Variants in CCSER1 observed in about 807,000 individuals in gnomAD.
CCSER1 encodes the protein coiled-coil serine rich protein 1.
A neutral mutation model predicts 82.0 loss-of-function variants in CCSER1; 41 were observed. That is an observed-to-expected ratio of 0.50 (90% CI 0.39 to 0.65). CCSER1 has a LOEUF of 0.65. Among genes scored for constraint, CCSER1 ranks in the 30% least tolerant of loss-of-function variants. The pLI, the probability that CCSER1 is intolerant of heterozygous loss-of-function variation, is 0.00. For synonymous variants in CCSER1, 414 were observed against 383.9 expected (o/e 1.08, Z -0.92); for missense variants, 1,119 against 1,064.2 (o/e 1.05, Z -0.72).
intron 10 of CCSER1, among the ~76,000 whole-genome samples, chr4:91,219,730 T>G (rs549382265): frequency 6.6e-6 from 1 of 152,332 alleles, no homozygotes. Context: ...GGTAACATGA[T>G]ATTTTTATCA....
At chr4:90,428,691 A>T (rs1233190109) in intron 4 of CCSER1, among the ~76,000 whole-genome samples, 1 of 151,890 alleles carries the variant, frequency 6.6e-6, no homozygotes, top group Non-Finnish European at 1.5e-5. Flanking sequence ...TTGCTGTCTT[A>T]TTGGGTGCAA....
intron 3 of CCSER1, among the ~76,000 whole-genome samples, chr4:90,345,778 A>C (rs965277867): frequency 2.0e-5 from 3 of 152,084 alleles, no homozygotes; most frequent in Non-Finnish European, 4.4e-5. Flanking sequence ...TAAGATCTCC[A>C]CATCTCTCTA....
At chr4:91,464,825 C>A (rs942535177) in intron 10 of CCSER1, among the ~76,000 whole-genome samples, 3 of 152,164 alleles carry the variant, frequency 2.0e-5, no homozygotes, top group African/African-American at 7.2e-5. Context: ...TATATATGCA[C>A]CCAATACAGG....
intron 1 of CCSER1, among the ~76,000 whole-genome samples, chr4:90,208,999 G>C (rs569809823): frequency 6.6e-6 from 1 of 152,154 alleles, no homozygotes; most frequent in South Asian, 2.1e-4. Flanking sequence ...TTTTTCTTAT[G>C]TATTGTTTTT....
chr4:90,544,771 A>G (rs1272000690), intron 5 of CCSER1, among the ~76,000 whole-genome samples: 3 of 152,058 alleles, frequency 2.0e-5, no homozygotes, highest in Non-Finnish European at 4.4e-5. Flanking sequence ...GCACTCCCAT[A>G]AGTGCCTTTT....
chr4:91,036,268 A>C (rs1336337886), intron 9 of CCSER1, among the ~76,000 whole-genome samples: 1 of 152,218 alleles, frequency 6.6e-6, no homozygotes, highest in Non-Finnish European at 1.5e-5. Flanking sequence ...ATTTTGTAAC[A>C]TTCTTATTTA....
intron 3 of CCSER1, among the ~76,000 whole-genome samples, chr4:90,349,805 A>G (rs1236374798): frequency 6.6e-6 from 1 of 152,106 alleles, no homozygotes; most frequent in African/African-American, 2.4e-5. Context: ...GTCACGTATA[A>G]CCACAGGAAA....
intron 10 of CCSER1, among the ~76,000 whole-genome samples, chr4:91,100,097 C>T (rs1395706068): frequency 6.6e-6 from 1 of 151,810 alleles, no homozygotes; most frequent in South Asian, 2.1e-4. Context: ...AAGTAAGTCA[C>T]AATATATAGA....
chr4:91,138,983 G>A (rs530137070), intron 10 of CCSER1, among the ~76,000 whole-genome samples: 2 of 152,276 alleles, frequency 1.3e-5, no homozygotes, highest in Non-Finnish European at 2.9e-5. Flanking sequence ...TGTCACCCAG[G>A]TGGTGAGCAT....
chr4:90,586,917 T>C (rs1049826667), intron 5 of CCSER1, among the ~76,000 whole-genome samples: 1 of 152,190 alleles, frequency 6.6e-6, no homozygotes, highest in Non-Finnish European at 1.5e-5. Flanking sequence ...GCAAAAGAGA[T>C]TTTGCAGATG....
At chr4:90,176,633 C>CA (rs1482294250) in intron 1 of CCSER1, among the ~76,000 whole-genome samples, 3 of 151,890 alleles carry the variant, frequency 2.0e-5, no homozygotes, top group African/African-American at 7.3e-5. Flanking sequence ...TACTTTTGGA[C>CA]CACCTGTCGA....
intron 10 of CCSER1, among the ~76,000 whole-genome samples, chr4:91,227,839 GA>G (rs1441447528): frequency 6.6e-6 from 1 of 151,912 alleles, no homozygotes; most frequent in Non-Finnish European, 1.5e-5. Flanking sequence ...TCTTTAAGTT[GA>G]AATTTTGTCA....
rs547233285 is a variant in CCSER1 at position 91,109,543 on chromosome 4, A to G, written c.2217+23549A>G. Among the ~76,000 whole-genome samples, 4 of 152,316 alleles carry G rather than the reference A, an allele frequency of 2.6e-5. No individual in the cohort carries two copies. The South Asian group carries it at 8.3e-4, about 32-fold the overall frequency. The stretch of plus-strand genomic sequence containing the variant: ...AGATCAAAAGCATTAAGTAAAGCAA[A>G]TTATCTTCCAATTTTGCCTTGAAAA... On this transcript the variant is annotated intron_variant, in intron 10 of 10. Coordinates refer to ENST00000509176, the MANE Select transcript of CCSER1 (RefSeq NM_001145065.2).
rs189712261 is a variant in CCSER1 at position 91,157,801 on chromosome 4, C to A, written c.2217+71807C>A. ...TATTAATGTTCTCCTTTACAGGTAG[C>A]ATAATAAATGGCCAAACATCTTTTT... is the stretch of plus-strand genomic sequence containing the variant. On this transcript the variant is annotated intron_variant, in intron 10 of 10. Coordinates refer to ENST00000509176, the MANE Select transcript of CCSER1 (RefSeq NM_001145065.2). Among the ~76,000 whole-genome samples, 115 of 152,072 alleles carry A rather than the reference C, an allele frequency of 7.6e-4. 2 individuals carry two copies. The highest frequency in any genetic ancestry group is 1.3e-3 in the Non-Finnish European group (89 of 67,908).
At position 90,628,139 on chromosome 4, in the gene CCSER1, C is replaced by G; in HGVS notation, c.1839C>G (p.Asn613Lys). 6.2e-7 allele frequency: 1 copy of G among 1,613,654 alleles called. No individual in the cohort carries two copies. The highest frequency in any genetic ancestry group is 8.5e-7 in the Non-Finnish European group (1 of 1,179,676). Residue 613 changes from asparagine (N) to lysine (K), a missense_variant, in exon 6 of 11, where the codon AAC becomes AAG. Asn to Lys is a moderately conservative substitution (Grantham distance 94, BLOSUM62 0). Transcript: ENST00000509176. ...ADWPLQGVEE[N>K]GGIDSLPFRL... Reference sequence around the variant, plus strand: ...GGCCTCTACAAGGTGTGGAAGAAAACGGAGGCATAGATTCTCTGCCATTCA... The same window carrying G: ...GGCCTCTACAAGGTGTGGAAGAAAAGGGAGGCATAGATTCTCTGCCATTCA...
At chr4:90,259,019 A>G (rs113580817) in intron 1 of CCSER1, among the ~76,000 whole-genome samples, 6,500 of 152,154 alleles carry the variant, frequency 0.043, 358 homozygotes, top group African/African-American at 0.13. Flanking sequence ...TCTGTGAGGA[A>G]TGATGGTGGT....
At chr4:90,273,650 G>A (rs1727010959) in intron 1 of CCSER1, among the ~76,000 whole-genome samples, 1 of 152,108 alleles carries the variant, frequency 6.6e-6, no homozygotes, top group African/African-American at 2.4e-5. Context: ...ATGGCAGTAT[G>A]TCTCGAACAT....
chr4:91,353,086 G>C lies in CCSER1; in HGVS notation c.2218-245486G>C, dbSNP rs113806399. Among the ~76,000 whole-genome samples, 3 of 152,270 alleles carry C rather than the reference G, an allele frequency of 2.0e-5. 1 individual carries two copies. Among genetic ancestry groups the C allele is most frequent in the African/African-American group, 7.2e-5 (3 of 41,552 alleles). On this transcript the variant is annotated intron_variant, in intron 10 of 10. Transcript: ENST00000509176. ...GGGGGAACTGTAATCCAGACAGCAGGACAGCAAATGCAAAGGACAATTTCA... is the reference window on the plus strand; with the variant it reads ...GGGGGAACTGTAATCCAGACAGCAGCACAGCAAATGCAAAGGACAATTTCA...
intron 9 of CCSER1, among the ~76,000 whole-genome samples, chr4:90,932,968 A>AGAG (rs1730179524): frequency 2.3e-5 from 1 of 44,126 alleles, no homozygotes; most frequent in Admixed American, 2.3e-4. Context: ...GAAAGAAAGA[A>AGAG]AGAAAGAAAG....
Sources: allele counts gnomAD v4.1 joint callset (sites outside exome capture counted in the v4.1 genomes callset), GRCh38; gene constraint gnomAD v4.1.1; transcripts MANE v1.5; gene names NCBI Gene and HGNC (gene_info 2026-07-23, HGNC 2026-07-21).